The following NDUFS1 variants were observed in gnomAD, a reference collection of about 807,000 sequenced individuals.
NDUFS1 encodes NADH-ubiquinone oxidoreductase 75 kDa subunit, mitochondrial.
NDUFS1 carries 61 observed loss-of-function variants against 84.4 expected under a neutral mutation model. The observed-to-expected ratio is 0.72, with a 90% CI of 0.59 to 0.89. NDUFS1 has a LOEUF of 0.89. Ranked by LOEUF, NDUFS1 falls within the 40% of genes least tolerant of loss-of-function variation. NDUFS1 has a pLI of 0.00. For synonymous variants in NDUFS1, 275 were observed against 290.0 expected (o/e 0.95, Z 0.53); for missense variants, 891 against 890.0 (o/e 1.00, Z -0.01).
Position 206,150,098 on chromosome 2 carries a change from A to ACC in NDUFS1, c.154-175_154-174dup, listed in dbSNP as rs199739005. 1.7e-3 allele frequency among the ~76,000 whole-genome samples: 259 copies of ACC among 150,512 alleles called. 3 individuals are homozygous for ACC. The highest frequency in any genetic ancestry group is 6.2e-3 in the African/African-American group (248 of 40,188). On this transcript the variant is annotated intron_variant, in intron 3 of 18. Coordinates refer to ENST00000233190, the MANE Select transcript of NDUFS1 (RefSeq NM_005006.7). ...GTCCCTTTCTTTGCCTTTGATTCTA[A>ACC]CCCGTCTCCTCTGAAGCTGCCTCAG...
chr2:206,142,670 G>A lies in NDUFS1; in HGVS notation c.1133+16C>T. The A allele has an allele frequency of 6.2e-7, 1 of 1,614,104 alleles. No homozygotes were observed. Among genetic ancestry groups the A allele is most frequent in the Non-Finnish European group, 8.5e-7 (1 of 1,179,978 alleles). ...AAAAGAAAGGAAAGCCTAGATCCTA[G>A]CTTCATATTTCTCACCCAGCTCCTG... On this transcript the variant is annotated intron_variant, in intron 11 of 18. Coordinates refer to ENST00000233190, the MANE Select transcript of NDUFS1 (RefSeq NM_005006.7).
At chr2:206,145,916 G>A (rs778235155) in intron 8 of NDUFS1, among the ~76,000 whole-genome samples, 1 of 152,208 alleles carries the variant, frequency 6.6e-6, no homozygotes, top group Non-Finnish European at 1.5e-5. Flanking sequence ...TAAGTTTGTA[G>A]TGGTAATTGC....
chr2:206,152,207 A>C (rs1398410041), intron 3 of NDUFS1, among the ~76,000 whole-genome samples: 1 of 152,230 alleles, frequency 6.6e-6, no homozygotes, highest in African/African-American at 2.4e-5. Context: ...AGTGAAACAA[A>C]AGAACTACCA....
At chr2:206,159,146 T>G in intron 1 of NDUFS1, 195 bp downstream of exon 1, 1 of 1,535,686 alleles carries the variant, frequency 6.5e-7, no homozygotes, top group Non-Finnish European at 8.7e-7. Flanking sequence ...TCTTTTCTGC[T>G]TCATCAGACC....
Position 206,149,109 on chromosome 2 carries a change from TG to T in NDUFS1, c.262-14del, listed in dbSNP as rs757464868. 1 of 1,582,636 alleles carries T rather than the reference TG, an allele frequency of 6.3e-7. No homozygotes were observed. Among genetic ancestry groups the T allele is most frequent in the African/African-American group, 1.4e-5 (1 of 71,976 alleles). ...AAGCAGCTACAACCTGGGATTTCAA[TG>T]AAAAAAAAAAATGTGTATTTGTATT... is the stretch of plus-strand genomic sequence containing the variant. On this transcript the variant is annotated splice_polypyrimidine_tract_variant and intron_variant, in intron 4 of 18. Coordinates refer to ENST00000233190, the MANE Select transcript of NDUFS1 (RefSeq NM_005006.7).
chr2:206,141,983 G>A lies in NDUFS1; in HGVS notation c.1220C>T (p.Pro407Leu). ...ADVVLLVGTN[P>L]RFEAPLFNAR... is the part of the protein sequence containing the mutation. ...ATTAAACAGTGGTGCCTCAAAACGT[G>A]GGTTTGTACCAACCAGAAGAACAAC... The change falls in exon 12 of 19, where the codon CCA becomes CTA. Residue 407 changes from proline to leucine, a missense_variant. Pro to Leu is a moderately conservative substitution (Grantham distance 98, BLOSUM62 -3). Transcript: ENST00000233190. 1 of 1,611,138 alleles carries A rather than the reference G, an allele frequency of 6.2e-7. No homozygotes were observed. The highest frequency in any genetic ancestry group is 8.5e-7 in the Non-Finnish European group (1 of 1,177,464).
intron 13 of NDUFS1, 138 bp downstream of exon 13, chr2:206,138,347 C>T: frequency 3.4e-6 from 3 of 880,256 alleles, no homozygotes; most frequent in South Asian, 3.0e-5. Flanking sequence ...TCCCAAAGTG[C>T]TGGGATTACA....
chr2:206,132,363 C>T (rs1341687110), intron 14 of NDUFS1, among the ~76,000 whole-genome samples: 2 of 152,206 alleles, frequency 1.3e-5, no homozygotes, highest in African/African-American at 2.4e-5. Flanking sequence ...GCAGAAGTAT[C>T]GCCTGAGCCC....
In NDUFS1 at chr2:206,159,394, C is replaced by A; in HGVS notation, c.-58G>T. The A allele has an allele frequency of 1.9e-6, 1 of 525,316 alleles. No individual in the cohort carries two copies. The highest frequency in any genetic ancestry group is 2.7e-5 in the South Asian group (1 of 37,252). 32.5% of individuals were successfully genotyped at this position (525,316 alleles called of 1,614,324 possible). A position where few individuals can be genotyped will look rare whatever the true frequency, so the allele number is the denominator to read the frequency against. Reference sequence around the variant, plus strand: ...TGCTAAACTGTCTGGACCACGACGACCCCCTAGGAGGCCGGGTCGCTTATT... The same window carrying A: ...TGCTAAACTGTCTGGACCACGACGAACCCCTAGGAGGCCGGGTCGCTTATT... On this transcript the variant is annotated 5_prime_UTR_variant, in exon 1 of 19. Transcript: ENST00000233190.
intron 1 of NDUFS1, among the ~76,000 whole-genome samples, chr2:206,157,113 G>A (rs571761619): frequency 2.6e-5 from 4 of 152,124 alleles, no homozygotes; most frequent in Non-Finnish European, 5.9e-5. Flanking sequence ...CATCACGCCC[G>A]GCTAATTTTT....
chr2:206,147,976 G>T, intron 5 of NDUFS1, 142 bp from the exon 6 acceptor site: 1 of 782,320 alleles, frequency 1.3e-6, no homozygotes, highest in African/African-American at 1.7e-5. Context: ...GCAGTGCAGT[G>T]GCACAATCTT....
chr2:206,138,842 G>A (rs1691824859), intron 12 of NDUFS1, among the ~76,000 whole-genome samples: 1 of 152,182 alleles, frequency 6.6e-6, no homozygotes, highest in Non-Finnish European at 1.5e-5. Context: ...CAGACCAGGC[G>A]CAGTGGCTCA....
chr2:206,148,913 T>G, intron 5 of NDUFS1, 107 bp downstream of exon 5: 1 of 831,640 alleles, frequency 1.2e-6, no homozygotes, highest in Non-Finnish European at 2.0e-6. Flanking sequence ...CACACCAACT[T>G]CTTCCGAGTT....
chr2:206,159,264 G>C, intron 1 of NDUFS1, 77 bp downstream of exon 1: 1 of 883,186 alleles, frequency 1.1e-6, no homozygotes, highest in Non-Finnish European at 1.8e-6. Flanking sequence ...CGTCGCGTGG[G>C]CCAAAGGAAA....
In NDUFS1 at chr2:206,121,171, G is replaced by C. The variant is rs1303747731; in HGVS notation, c.*3014C>G. 6.6e-6 allele frequency: 1 copy of C among 152,124 alleles called. No homozygotes were observed. Among genetic ancestry groups the C allele is most frequent in the African/African-American group, 2.4e-5 (1 of 41,438 alleles). 9.4% of individuals were successfully genotyped at this position (152,124 alleles called of 1,614,324 possible). The stretch of plus-strand genomic sequence containing the variant: ...TCAGGAAATGGTATTATTATTCCAA[G>C]GTCTTTCTAGATTGCCTTATTCACC... On this transcript the variant is annotated 3_prime_UTR_variant, in exon 19 of 19. Coordinates refer to ENST00000233190, the MANE Select transcript of NDUFS1 (RefSeq NM_005006.7).
At chr2:206,148,907 C>A (rs1487811426) in intron 5 of NDUFS1, 113 bp downstream of exon 5, 3 of 797,536 alleles carry the variant, frequency 3.8e-6, no homozygotes, top group South Asian at 1.4e-5. Context: ...GCTGAGCACA[C>A]CAACTTCTTC....
At chr2:206,125,298 C>CA (rs1309101201) in intron 18 of NDUFS1, among the ~76,000 whole-genome samples, 3 of 151,924 alleles carry the variant, frequency 2.0e-5, no homozygotes, top group Non-Finnish European at 4.4e-5. Context: ...CCCATCTCTA[C>CA]AAAAAATACA....
At chr2:206,158,354 T>C (rs1687758032) in intron 1 of NDUFS1, among the ~76,000 whole-genome samples, 1 of 152,222 alleles carries the variant, frequency 6.6e-6, no homozygotes, top group Non-Finnish European at 1.5e-5. Flanking sequence ...TGAAATGCTC[T>C]TCCCTGGCCC....
In NDUFS1 at chr2:206,153,646, TACTA is replaced by T; in HGVS notation, c.29_32del (p.Leu10Ter). On this transcript the variant is annotated frameshift_variant, in exon 2 of 19. Transcript: ENST00000233190. LOFTEE classifies it high-confidence loss of function. ...ATCCTTTAGGAGACTTAGAAAGGCC[TACTA>T]AGGCCTTTCTTACAGGTATCCTTAA... The T allele has an allele frequency of 6.5e-7, 1 of 1,546,644 alleles. No individual in the cohort carries two copies. The highest frequency in any genetic ancestry group is 8.9e-7 in the Non-Finnish European group (1 of 1,121,452).
Sources: gnomAD v4.1 joint callset for allele counts (sites outside exome capture counted in the v4.1 genomes callset) on GRCh38, gnomAD v4.1.1 for gene constraint, MANE v1.5 for transcripts, NCBI Gene and HGNC (gene_info 2026-07-23, HGNC 2026-07-21) for gene names.